The following COMMD6 variants were observed in gnomAD, a reference collection of about 807,000 sequenced individuals.
COMMD6 encodes the protein COMM domain containing 6, also known as COMM domain-containing protein 6.
COMMD6 carries 11 observed loss-of-function variants against 13.4 expected under a neutral mutation model. That is an observed-to-expected ratio of 0.82 (90% CI 0.52 to 1.36). COMMD6 has a LOEUF of 1.36. Among genes scored for constraint, COMMD6 ranks in the 40% most tolerant of loss-of-function variants. COMMD6 has a pLI of 0.00. For missense variants in COMMD6, 124 were observed against 102.4 expected (o/e 1.21, Z -0.91); for synonymous variants, 43 against 36.5 (o/e 1.18, Z -0.64).
intron 3 of COMMD6, among the ~76,000 whole-genome samples, chr13:75,529,075 G>C (rs73223955): frequency 0.084 from 12,766 of 152,178 alleles, 843 homozygotes; most frequent in East Asian, 0.25. Context: ...ACTAACTGCT[G>C]TTTAAGTACT....
rs377158719 is a variant in COMMD6 at position 75,526,585 on chromosome 13, G to A, written c.*4C>T. 4.4e-6 allele frequency: 7 copies of A among 1,597,170 alleles called. No homozygotes were observed. Among genetic ancestry groups the A allele is most frequent in the African/African-American group, 2.7e-5 (2 of 74,458 alleles). ...TAGCAATTTATCAACCAAAGAATCC[G>A]TCTTCACACCGTTTCAATAACTGCA... On this transcript the variant is annotated 3_prime_UTR_variant, in exon 4 of 4. Transcript: ENST00000682242.
At chr13:75,547,907 A>G (rs2030932419) in intron 1 of COMMD6, among the ~76,000 whole-genome samples, 1 of 152,198 alleles carries the variant, frequency 6.6e-6, no homozygotes, top group Admixed American at 6.5e-5. Context: ...GCTTCAACAC[A>G]TTTATTGGGT....
At chr13:75,544,436 T>C (rs1467426194) in intron 1 of COMMD6, among the ~76,000 whole-genome samples, 1 of 152,148 alleles carries the variant, frequency 6.6e-6, no homozygotes, top group Admixed American at 6.6e-5. Flanking sequence ...TTTTCAACCT[T>C]CGGCTTAAAG....
chr13:75,538,041 A>T (rs971303810), upstream of COMMD6: 15 of 445,192 alleles, frequency 3.4e-5, no homozygotes, highest in Non-Finnish European at 5.9e-5. Context: ...AGATACTTTG[A>T]GAAGAGAAGC....
chr13:75,546,369 G>A (rs183505649), intron 1 of COMMD6, among the ~76,000 whole-genome samples: 1 of 152,290 alleles, frequency 6.6e-6, no homozygotes, highest in Admixed American at 6.5e-5. Flanking sequence ...ATAGCTTTGA[G>A]TAGATAAGTT....
chr13:75,530,253 T>C lies in COMMD6; in HGVS notation c.68A>G (p.Gln23Arg). 1 of 1,610,246 alleles carries C rather than the reference T, an allele frequency of 6.2e-7. No homozygotes were observed. Among genetic ancestry groups the C allele is most frequent in the Non-Finnish European group, 8.5e-7 (1 of 1,178,560 alleles). ...GCTCACAGCCATACCCAGTTTCCAC[T>C]GAAAATCTACAAGCTTTAATAAGAC... ...SDVTNQLVDF[Q>R]WKLGMAVSSD... Residue 23 changes from glutamine (Q) to arginine (R), a missense_variant, in exon 3 of 4, where the codon CAG (glutamine) becomes CGG (arginine). Transcript: ENST00000682242.
At chr13:75,539,146 CAT>C (rs1223383771), upstream of COMMD6, among the ~76,000 whole-genome samples, 1 of 152,092 alleles carries the variant, frequency 6.6e-6, no homozygotes, top group Admixed American at 6.5e-5. Context: ...TCTTTTGCCA[CAT>C]CTCTCTGACT....
intron 2 of COMMD6, among the ~76,000 whole-genome samples, chr13:75,535,203 G>C (rs2030621347): frequency 6.6e-6 from 1 of 152,186 alleles, no homozygotes; most frequent in South Asian, 2.1e-4. Flanking sequence ...CGTGTTCAGG[G>C]AACAATGAGG....
chr13:75,526,576 A>G lies in COMMD6; in HGVS notation c.*13T>C, dbSNP rs763135673. ...TTAGAATGATAGCAATTTATCAACC[A>G]AAGAATCCGTCTTCACACCGTTTCA... On this transcript the variant is annotated 3_prime_UTR_variant, in exon 4 of 4. Transcript: ENST00000682242. 2 of 1,580,072 alleles carry G rather than the reference A, an allele frequency of 1.3e-6. No individual in the cohort carries two copies. Among genetic ancestry groups the G allele is most frequent in the Non-Finnish European group, 1.7e-6 (2 of 1,157,762 alleles).
chr13:75,541,620 G>A (rs543491373), upstream of COMMD6, among the ~76,000 whole-genome samples: 112 of 152,094 alleles, frequency 7.4e-4, no homozygotes, highest in Non-Finnish European at 1.8e-4. Flanking sequence ...TGTTCATAAG[G>A]CGTAGAGTTG....
At chr13:75,528,653 C>T (rs1241898104) in intron 3 of COMMD6, among the ~76,000 whole-genome samples, 2 of 152,058 alleles carry the variant, frequency 1.3e-5, no homozygotes, top group East Asian at 3.9e-4. Flanking sequence ...ACCAGCCTGG[C>T]CAACATGGTG....
upstream of COMMD6, chr13:75,537,985 T>G: frequency 2.0e-6 from 1 of 507,688 alleles, no homozygotes; most frequent in Non-Finnish European, 3.4e-6. Flanking sequence ...TAGGAGACAT[T>G]GAGCTAAAAG....
At chr13:75,530,629 A>AC (rs1313204314) in intron 2 of COMMD6, 3 of 168,934 alleles carry the variant, frequency 1.8e-5, no homozygotes, top group African/African-American at 7.2e-5. Context: ...CTCAAGACTT[A>AC]CATTAGCATG....
chr13:75,529,481 A>G (rs1216532555), intron 3 of COMMD6, among the ~76,000 whole-genome samples: 1 of 148,124 alleles, frequency 6.8e-6, no homozygotes, highest in African/African-American at 2.5e-5. Flanking sequence ...AGATCGTGCC[A>G]CTGCACTCCA....
Position 75,525,977 on chromosome 13 carries a change from G to A in COMMD6, c.*612C>T, listed in dbSNP as rs923963172. 6.6e-6 allele frequency: 1 copy of A among 152,168 alleles called. No homozygotes were observed. Among genetic ancestry groups the A allele is most frequent in the South Asian group, 2.1e-4 (1 of 4,832 alleles). 9.4% of individuals were successfully genotyped at this position (152,168 alleles called of 1,614,324 possible). On this transcript the variant is annotated 3_prime_UTR_variant, in exon 4 of 4. Transcript: ENST00000682242. ...TCGTACAGAACTCAGACTAAAACTCGTCTTTCCAACTCTGCGTATGTATTT... is the reference window on the plus strand; with the variant it reads ...TCGTACAGAACTCAGACTAAAACTCATCTTTCCAACTCTGCGTATGTATTT...
upstream of COMMD6, among the ~76,000 whole-genome samples, chr13:75,539,334 G>A (rs2030783533): frequency 6.6e-6 from 1 of 152,012 alleles, no homozygotes; most frequent in South Asian, 2.1e-4. Flanking sequence ...TGCCTCCCAG[G>A]TTCAAACAAT....
chr13:75,529,201 A>G (rs2030374915), intron 3 of COMMD6, among the ~76,000 whole-genome samples: 1 of 152,184 alleles, frequency 6.6e-6, no homozygotes, highest in Non-Finnish European at 1.5e-5. Flanking sequence ...TAAATTAATG[A>G]CAAAACATCT....
rs1198474651 is a variant in COMMD6 at position 75,537,835 on chromosome 13, T to C, written c.-30A>G. The stretch of plus-strand genomic sequence containing the variant: ...AGCGTCTGGGACTTGCGGCCCGGAC[T>C]CGAGAGAACGCCCCCAGACCAGCGC... On this transcript the variant is annotated 5_prime_UTR_variant, in exon 1 of 4. Coordinates refer to ENST00000682242, the MANE Select transcript of COMMD6 (RefSeq NM_203495.4). The C allele has an allele frequency of 1.3e-6, 2 of 1,575,098 alleles. No homozygotes were observed. The highest frequency in any genetic ancestry group is 1.7e-6 in the Non-Finnish European group (2 of 1,158,596).
chr13:75,547,539 T>C (rs9543972), intron 1 of COMMD6, among the ~76,000 whole-genome samples: 121,143 of 152,182 alleles, frequency 0.8, 49,039 homozygotes, highest in Middle Eastern at 0.91. Flanking sequence ...TCTTGGGCTC[T>C]GTCTCAGACT....
Sources: allele counts gnomAD v4.1 joint callset (sites outside exome capture counted in the v4.1 genomes callset), GRCh38; gene constraint gnomAD v4.1.1; transcripts MANE v1.5; gene names NCBI Gene and HGNC (gene_info 2026-07-23, HGNC 2026-07-21).